Variants in TMEM132B observed in about 807,000 individuals in gnomAD.
The protein encoded by TMEM132B is transmembrane protein 132B.
In TMEM132B, 18 loss-of-function variants were observed where a neutral mutation model predicts 90.8. The ratio of observed to expected loss-of-function variants is 0.20; its 90% CI spans 0.14 to 0.29. The LOEUF (loss-of-function observed/expected upper bound fraction) is 0.29, where lower values mean the gene tolerates loss of function less well. Among genes scored for constraint, TMEM132B ranks in the 10% least tolerant of loss-of-function variants. The pLI, the probability that TMEM132B is intolerant of heterozygous loss-of-function variation, is 1.00. For synonymous variants in TMEM132B, 504 were observed against 523.3 expected (o/e 0.96, Z 0.50); for missense variants, 1,096 against 1,326.8 (o/e 0.83, Z 2.70).
chr12:125,457,902 C>T (rs1274035153), intron 3 of TMEM132B, among the ~76,000 whole-genome samples: 1 of 152,116 alleles, frequency 6.6e-6, no homozygotes, highest in Non-Finnish European at 1.5e-5. Flanking sequence ...TGGGTCTGGA[C>T]AGGCAGGTGG....
intron 5 of TMEM132B, among the ~76,000 whole-genome samples, chr12:125,634,083 A>C (rs910748502): frequency 1.3e-5 from 2 of 152,102 alleles, no homozygotes; most frequent in African/African-American, 4.8e-5. Context: ...AGATTCAAAA[A>C]CCTTGGAAGT....
intron 4 of TMEM132B, among the ~76,000 whole-genome samples, chr12:125,569,201 C>T (rs1293028756): frequency 6.6e-6 from 1 of 152,070 alleles, no homozygotes; most frequent in African/African-American, 2.4e-5. Context: ...CTGGGGGTTC[C>T]CAAGCTGGCA....
chr12:125,346,141 C>A (rs1415391182), intron 1 of TMEM132B, among the ~76,000 whole-genome samples: 1 of 151,998 alleles, frequency 6.6e-6, no homozygotes, highest in Non-Finnish European at 1.5e-5. Flanking sequence ...GGAGTGTAAA[C>A]CTTACACTGC....
At chr12:125,370,603 C>T (rs1878263929) in intron 2 of TMEM132B, among the ~76,000 whole-genome samples, 1 of 152,134 alleles carries the variant, frequency 6.6e-6, no homozygotes, top group Non-Finnish European at 1.5e-5. Context: ...ACATGGGGGT[C>T]TTGCTCTGTC....
At chr12:125,308,808 T>C (rs576883610) in intron 1 of TMEM132B, among the ~76,000 whole-genome samples, 2 of 152,190 alleles carry the variant, frequency 1.3e-5, no homozygotes, top group Non-Finnish European at 2.9e-5. Flanking sequence ...ATTGAAGTTC[T>C]CTTTTGCACC....
At chr12:125,267,146 C>T (rs1417117223) in intron 1 of TMEM132B, among the ~76,000 whole-genome samples, 4 of 152,086 alleles carry the variant, frequency 2.6e-5, no homozygotes, top group African/African-American at 9.7e-5. Context: ...TTTCCCTTCT[C>T]GTTTAACCAT....
At chr12:125,206,307 C>T (rs1873184544) in intron 1 of TMEM132B, among the ~76,000 whole-genome samples, 1 of 152,028 alleles carries the variant, frequency 6.6e-6, no homozygotes, top group Non-Finnish European at 1.5e-5. Context: ...GGTGCAATCT[C>T]AGCTCACTGC....
At chr12:125,414,415 G>A (rs777973868) in intron 2 of TMEM132B, among the ~76,000 whole-genome samples, 3 of 152,106 alleles carry the variant, frequency 2.0e-5, no homozygotes, top group Non-Finnish European at 2.9e-5. Flanking sequence ...GTGCTGGGAT[G>A]TCTGGCATAA....
intron 4 of TMEM132B, among the ~76,000 whole-genome samples, chr12:125,551,600 T>C (rs769145682): frequency 1.3e-4 from 19 of 150,474 alleles, no homozygotes; most frequent in Non-Finnish European, 2.4e-4. Context: ...TTTTTTTTTT[T>C]TTTAAACAAG....
At chr12:125,474,829 G>C (rs894673700) in intron 3 of TMEM132B, among the ~76,000 whole-genome samples, 3 of 152,224 alleles carry the variant, frequency 2.0e-5, no homozygotes, top group African/African-American at 4.8e-5. Context: ...TTGGTGTTAT[G>C]CTGAAGTGGG....
Position 125,459,995 on chromosome 12 carries a change from C to G in TMEM132B, c.1106+44318C>G, listed in dbSNP as rs1010382291. Among the ~76,000 whole-genome samples the G allele has an allele frequency of 2.0e-5, 3 of 152,192 alleles. No homozygotes were observed. The highest frequency in any genetic ancestry group is 7.2e-5 in the African/African-American group (3 of 41,448). The stretch of plus-strand genomic sequence containing the variant: ...ACCATGATTGTGAGGCCTCCCCAGC[C>G]ATGTGGGAGTGTGAGCCCATGAAAC... On this transcript the variant is annotated intron_variant, in intron 3 of 8. Coordinates refer to ENST00000682704, the MANE Select transcript of TMEM132B (RefSeq NM_001366854.1). This position sits in a 1 kb window ranked among gnomAD's most constrained non-coding sequence, Gnocchi z 4.1.
intron 1 of TMEM132B, among the ~76,000 whole-genome samples, chr12:125,257,122 G>A (rs1228372438): frequency 1.3e-5 from 2 of 152,114 alleles, no homozygotes; most frequent in African/African-American, 4.8e-5. Flanking sequence ...AGACCCACTG[G>A]GAAACATAGC....
rs569907003 is a variant in TMEM132B at position 125,407,933 on chromosome 12, G to A, written c.960-7598G>A. On this transcript the variant is annotated intron_variant, in intron 2 of 8. Coordinates refer to ENST00000682704, the MANE Select transcript of TMEM132B (RefSeq NM_001366854.1). This position sits in a 1 kb window ranked among gnomAD's most constrained non-coding sequence, Gnocchi z 6.7. Reference sequence around the variant, plus strand: ...CATGCAGAAGAGTCCACATAAGCGAGCACAGACTGATGAGTTCTCACAACC... The same window carrying A: ...CATGCAGAAGAGTCCACATAAGCGAACACAGACTGATGAGTTCTCACAACC... 5.9e-5 allele frequency among the ~76,000 whole-genome samples: 9 copies of A among 152,314 alleles called. No individual in the cohort carries two copies. The South Asian group carries it at 1.7e-3, about 28-fold the overall frequency.
chr12:125,617,592 C>G (rs1020157013), intron 5 of TMEM132B, among the ~76,000 whole-genome samples: 6 of 151,972 alleles, frequency 3.9e-5, no homozygotes, highest in Admixed American at 6.6e-5. Context: ...TGATCCACCC[C>G]CCTCGGCCTC....
chr12:125,448,040 TG>T (rs1881052032), intron 3 of TMEM132B, among the ~76,000 whole-genome samples: 1 of 152,184 alleles, frequency 6.6e-6, no homozygotes, highest in African/African-American at 2.4e-5. Flanking sequence ...CCAAGGCATG[TG>T]GGTCACCTGA....
intron 1 of TMEM132B, among the ~76,000 whole-genome samples, chr12:125,192,184 G>GGGAC (rs1346722146): frequency 6.6e-6 from 1 of 152,212 alleles, no homozygotes; most frequent in Admixed American, 6.5e-5. Flanking sequence ...TAATGGGGTA[G>GGGAC]GGACTTCTGT....
In TMEM132B at chr12:125,514,550, A is replaced by T. The variant is rs1261641400; in HGVS notation, c.1107-4889A>T. On this transcript the variant is annotated intron_variant, in intron 3 of 8. Transcript: ENST00000682704. The stretch of plus-strand genomic sequence containing the variant: ...AGAAAAAACAGATACCTGAGACCAG[A>T]GACAGCTTCTCTTGTCCCATTTTTA... Among the ~76,000 whole-genome samples, 4 of 152,372 alleles carry T rather than the reference A, an allele frequency of 2.6e-5. No homozygotes were observed. The East Asian group carries it at 7.7e-4, about 29-fold the overall frequency.
chr12:125,631,686 G>C (rs1033054481), intron 5 of TMEM132B, among the ~76,000 whole-genome samples: 5 of 152,034 alleles, frequency 3.3e-5, no homozygotes, highest in Non-Finnish European at 7.4e-5. Flanking sequence ...AGCATATTTA[G>C]TTAAAATTGT....
chr12:125,347,054 CTT>C (rs901274805), intron 1 of TMEM132B, among the ~76,000 whole-genome samples: 20 of 152,184 alleles, frequency 1.3e-4, no homozygotes, highest in Non-Finnish European at 2.6e-4. Flanking sequence ...TTCCTGATCT[CTT>C]GATTATTTCC....
Sources: gnomAD v4.1 joint callset for allele counts (sites outside exome capture counted in the v4.1 genomes callset) on GRCh38, gnomAD v4.1.1 for gene constraint, Gnocchi (gnomAD v3.1) non-coding constraint, MANE v1.5 for transcripts, NCBI Gene and HGNC (gene_info 2026-07-23, HGNC 2026-07-21) for gene names.